The following F8 variants were observed in gnomAD, a reference collection of about 807,000 sequenced individuals.
The protein encoded by F8 is antihemophilic factor.
A neutral mutation model predicts 140.6 loss-of-function variants in F8; 12 were observed. The ratio of observed to expected loss-of-function variants is 0.09; its 90% confidence interval spans 0.05 to 0.14. The LOEUF (loss-of-function observed/expected upper bound fraction) is 0.14. Among genes scored for constraint, F8 ranks in the 10% least tolerant of loss-of-function variants. The pLI, the probability that F8 is intolerant of heterozygous loss-of-function variation, is 1.00. For synonymous variants in F8, 585 were observed against 614.6 expected, an observed-to-expected ratio of 0.95 and a Z score of 0.71; for missense variants, 1,354 against 1,720.7, an observed-to-expected ratio of 0.79 and a Z score of 3.77.
chrX:154,856,495 T>C (rs888350172), intron 25 of F8, among the ~76,000 whole-genome samples: 1 of 112,558 alleles, frequency 8.9e-6, no homozygotes, highest in Non-Finnish European at 1.9e-5. Context: ...TGGTGTTGGC[T>C]AGTAGATTAT....
intron 3 of F8, among the ~76,000 whole-genome samples, chrX:154,995,370 C>T (rs1557285012): frequency 9.0e-6 from 1 of 111,493 alleles, no homozygotes; most frequent in Non-Finnish European, 1.9e-5. Flanking sequence ...TGAAGGCCCA[C>T]CTGAGGTGAG....
At chrX:154,916,916 C>T (rs987419345) in intron 14 of F8, among the ~76,000 whole-genome samples, 1 of 110,565 alleles carries the variant, frequency 9.0e-6, no homozygotes, top group Non-Finnish European at 1.9e-5. Context: ...TTGATGTAGG[C>T]ATTTATAGCT....
At chrX:154,853,955 A>G (rs2072633478) in intron 25 of F8, among the ~76,000 whole-genome samples, 1 of 111,821 alleles carries the variant, frequency 8.9e-6, no homozygotes, top group African/African-American at 3.3e-5. Context: ...ATCATTTTTA[A>G]GTGTACAATT....
chrX:154,903,338 CAT>C (rs1183235167), intron 18 of F8, among the ~76,000 whole-genome samples: 10 of 111,051 alleles, frequency 9.0e-5, no homozygotes, highest in Admixed American at 4.8e-4. Context: ...GTATATACCA[CAT>C]GTCTGGCTAA....
At chrX:154,956,419 C>T (rs782154525) in intron 11 of F8, among the ~76,000 whole-genome samples, 1 of 112,125 alleles carries the variant, frequency 8.9e-6, no homozygotes, top group Admixed American at 9.4e-5. Context: ...GAAATCTTCA[C>T]AATTTATGTT....
At chrX:154,996,742 C>A (rs1557285113) in intron 3 of F8, among the ~76,000 whole-genome samples, 1 of 111,958 alleles carries the variant, frequency 8.9e-6, no homozygotes, top group East Asian at 2.8e-4. Flanking sequence ...CACCCTCATT[C>A]TTGTATTGAG....
chrX:154,940,954 C>G (rs1245115365), intron 13 of F8, among the ~76,000 whole-genome samples: 1 of 111,638 alleles, frequency 9.0e-6, no homozygotes, highest in Non-Finnish European at 1.9e-5. Context: ...CCTTTACAGA[C>G]AAGCAAATGC....
At chrX:154,937,377 A>C (rs1226364239) in intron 13 of F8, among the ~76,000 whole-genome samples, 1 of 110,658 alleles carries the variant, frequency 9.0e-6, no homozygotes, top group Non-Finnish European at 1.9e-5. Context: ...AAAGGCGACA[A>C]ACTTTTTTTT....
At chrX:154,843,858 T>C (rs1310903583) in intron 25 of F8, among the ~76,000 whole-genome samples, 4 of 111,157 alleles carry the variant, frequency 3.6e-5, no homozygotes, top group African/African-American at 6.6e-5. Flanking sequence ...GACATGAAGT[T>C]CTTGCCCATG....
At chrX:154,890,609 A>G (rs1292361902) in intron 22 of F8, among the ~76,000 whole-genome samples, 1 of 112,367 alleles carries the variant, frequency 8.9e-6, no homozygotes, top group Non-Finnish European at 1.9e-5. Context: ...GGAAAAAAGG[A>G]GAAAAGACAT....
chrX:154,977,029 C>A (rs1482411801), intron 6 of F8, among the ~76,000 whole-genome samples: 2 of 111,224 alleles, frequency 1.8e-5, no homozygotes, highest in African/African-American at 3.3e-5. Flanking sequence ...TAATCCCTTG[C>A]TTTTTATTTT....
Position 154,837,319 on chromosome X carries a change from A to G in F8, c.*278T>C. ...TAACTTTTCAGGGAAGAATGCTTTCATGCAGGTTTCTCCTCACTTCTTTTT... is the reference window on the plus strand; with the variant it reads ...TAACTTTTCAGGGAAGAATGCTTTCGTGCAGGTTTCTCCTCACTTCTTTTT... On this transcript the variant is annotated 3_prime_UTR_variant, in exon 26 of 26. Transcript: ENST00000360256. 1 of 361,877 alleles carries G rather than the reference A, an allele frequency of 2.8e-6. No homozygotes were observed. Among genetic ancestry groups the G allele is most frequent in the Non-Finnish European group, 4.9e-6 (1 of 205,553 alleles). 29.8% of individuals were successfully genotyped at this position (361,877 alleles called of 1,213,427 possible). A position where few individuals can be genotyped will look rare whatever the true frequency, so the allele number is the denominator to read the frequency against.
chrX:154,978,369 T>G (rs1279627023), intron 6 of F8, among the ~76,000 whole-genome samples: 2 of 111,655 alleles, frequency 1.8e-5, no homozygotes, highest in African/African-American at 6.5e-5. Context: ...GTGTATATAT[T>G]TATGGAACAC....
In F8 at chrX:154,861,866, C is replaced by A. The variant is rs782098979; in HGVS notation, c.6575G>T (p.Ser2192Ile). 2 of 1,211,217 alleles carry A rather than the reference C, an allele frequency of 1.7e-6. No individual in the cohort carries two copies. The highest frequency in any genetic ancestry group is 5.9e-5 in the East Asian group (2 of 33,843). The change falls in exon 24 of 26, where the codon AGT becomes ATT. Residue 2192 changes from serine to isoleucine, a missense_variant and splice_region_variant. Coordinates refer to ENST00000360256, the MANE Select transcript of F8 (RefSeq NM_000132.4). ...RMELMGCDLN[S>I]CSMPLGMESK... ...CTCCATTCCCAATGGCATGCTGCAA[C>A]CTCAAAGAAAAGAAAAAAGAAGGTT...
intron 13 of F8, among the ~76,000 whole-genome samples, chrX:154,941,385 A>C (rs2073262539): frequency 9.0e-6 from 1 of 111,543 alleles, no homozygotes; most frequent in African/African-American, 3.3e-5. Flanking sequence ...GATAGAACAG[A>C]CTTTAAACCA....
intron 13 of F8, among the ~76,000 whole-genome samples, chrX:154,937,210 A>G (rs2073229413): frequency 9.0e-6 from 1 of 111,434 alleles, no homozygotes; most frequent in Non-Finnish European, 1.9e-5. Flanking sequence ...GAATAATAAC[A>G]AAAGACCAGA....
chrX:154,948,863 G>GAA (rs2073321837), intron 12 of F8, among the ~76,000 whole-genome samples: 1 of 111,605 alleles, frequency 9.0e-6, no homozygotes, highest in Non-Finnish European at 1.9e-5. Flanking sequence ...ACAACATTGA[G>GAA]ATATTATAAA....
intron 4 of F8, among the ~76,000 whole-genome samples, chrX:154,988,228 T>C (rs891913603): frequency 4.4e-4 from 49 of 112,388 alleles, no homozygotes; most frequent in Non-Finnish European, 5.4e-4. Flanking sequence ...TTTGAACTAA[T>C]AGCAACAAGA....
intron 13 of F8, among the ~76,000 whole-genome samples, chrX:154,945,497 A>G (rs1387405830): frequency 8.9e-6 from 1 of 112,520 alleles, no homozygotes; most frequent in Non-Finnish European, 1.9e-5. Flanking sequence ...AATGAAGGAC[A>G]AAAACAAATG....
Sources: gnomAD v4.1 joint callset for allele counts (sites outside exome capture counted in the v4.1 genomes callset) on GRCh38, gnomAD v4.1.1 for gene constraint, MANE v1.5 for transcripts, NCBI Gene and HGNC (gene_info 2026-07-23, HGNC 2026-07-21) for gene names.